The following CLCN7 variants were observed in gnomAD, a reference collection of about 807,000 sequenced individuals.
The protein encoded by CLCN7 is H(+)/Cl(-) exchange transporter 7.
Under a neutral mutation model 102.1 loss-of-function variants are expected in CLCN7, and 60 were observed. The ratio of observed to expected loss-of-function variants is 0.59; its 90% confidence interval spans 0.48 to 0.73. The LOEUF (loss-of-function observed/expected upper bound fraction) is 0.73. CLCN7 is among the 30% of genes least tolerant of loss of function. The pLI, the probability that CLCN7 is intolerant of heterozygous loss-of-function variation, is 0.00. For synonymous variants in CLCN7, 560 were observed against 490.5 expected (o/e 1.14, Z -1.87); for missense variants, 962 against 1,125.7 (o/e 0.85, Z 2.08).
At position 1,449,281 on chromosome 16, in the gene CLCN7, T is replaced by A; in HGVS notation, c.1664A>T (p.Gln555Leu). 1 of 1,586,054 alleles carries A rather than the reference T, an allele frequency of 6.3e-7. No individual in the cohort carries two copies. Among genetic ancestry groups the A allele is most frequent in the Admixed American group, 1.8e-5 (1 of 55,976 alleles). ...GGGCAAGAGCTGGGACATACCCAGCTGGGCAGCAGCTCCCATCAGGGCGTA... is the reference window on the plus strand; with the variant it reads ...GGGCAAGAGCTGGGACATACCCAGCAGGGCAGCAGCTCCCATCAGGGCGTA... ...GKYALMGAAAQLGGIVRMTLS... is the reference protein window; with the variant it reads ...GKYALMGAAALLGGIVRMTLS... The change falls in exon 18 of 25, where the codon CAG (glutamine) becomes CTG (leucine). Residue 555 changes from glutamine to leucine, a missense_variant. By Grantham distance (113) the Gln-to-Leu change is moderately radical. This residue lies in a region of CLCN7 where 799 missense variants were observed against 988.0 expected (regional missense o/e 0.81). Coordinates refer to ENST00000382745, the MANE Select transcript of CLCN7 (RefSeq NM_001287.6).
chr16:1,447,219 C>T, intron 23 of CLCN7, 133 bp from the exon 24 acceptor site: 1 of 1,144,616 alleles, frequency 8.7e-7, no homozygotes, highest in Admixed American at 2.0e-5. Flanking sequence ...GTCTGGCCAG[C>T]CCCCTCAGCC....
chr16:1,457,736 G>C lies in CLCN7; in HGVS notation c.696C>G (p.Ser232=), dbSNP rs117183989. Residue 232 remains serine (S), a synonymous_variant, in exon 8 of 25, where the codon TCC becomes TCG. Transcript: ENST00000382745. The surrounding 1 kb of genome is among the most constrained non-coding windows in gnomAD (Gnocchi z 5.4). ...CCCCGACCACGGACAGGATCACACC[G>C]GACACTTTGATCACCAACGTCTGAA... ...VRLKTLVIKV[S]GVILSVVGGL... is the part of the protein sequence containing the mutation. 3 of 1,613,816 alleles carry C rather than the reference G, an allele frequency of 1.9e-6. No homozygotes were observed.
At chr16:1,448,794 TGAG>T in intron 19 of CLCN7, 28 bp from the exon 20 acceptor site, 2 of 1,607,192 alleles carry the variant, frequency 1.2e-6, no homozygotes, top group Non-Finnish European at 8.5e-7. Flanking sequence ...ACACAGGGCT[TGAG>T]GAGTCCACAC....
At chr16:1,459,864 G>A (rs1014104657) in intron 6 of CLCN7, among the ~76,000 whole-genome samples, 3 of 125,720 alleles carry the variant, frequency 2.4e-5, no homozygotes, top group African/African-American at 9.4e-5. Flanking sequence ...GGGGCCCCAG[G>A]GAAGGGGAGC....
At chr16:1,458,988 G>T in intron 7 of CLCN7, 119 bp downstream of exon 7, 3 of 784,686 alleles carry the variant, frequency 3.8e-6, no homozygotes, top group Non-Finnish European at 6.2e-6. Context: ...TGCACACAGT[G>T]CCACCAGTAC....
At chr16:1,447,181 T>C (rs1464704394) in intron 23 of CLCN7, 95 bp from the exon 24 acceptor site, 5 of 1,264,954 alleles carry the variant, frequency 4.0e-6, no homozygotes, top group African/African-American at 3.0e-5. Flanking sequence ...CACCACGGCG[T>C]CCAGGCACGT....
chr16:1,462,090 A>G (rs1202049386), intron 2 of CLCN7, among the ~76,000 whole-genome samples: 768 of 31,858 alleles, frequency 0.024, 5 homozygotes, highest in Non-Finnish European at 0.037. Flanking sequence ...GTCTCAAAGA[A>G]AAAAAAAAAA....
intron 2 of CLCN7, among the ~76,000 whole-genome samples, chr16:1,462,026 A>G (rs971392419): frequency 2.6e-5 from 4 of 151,760 alleles, no homozygotes; most frequent in Admixed American, 6.6e-5. Flanking sequence ...CAGAGGTTGC[A>G]GTGAGCCGAG....
At chr16:1,446,893 C>T (rs1278907214) in intron 24 of CLCN7, 113 bp downstream of exon 24, 16 of 1,190,610 alleles carry the variant, frequency 1.3e-5, no homozygotes, top group Middle Eastern at 1.9e-4. Context: ...TGGGCCGACT[C>T]GGTGCTGGGT....
chr16:1,466,495 G>A (rs934723322), intron 1 of CLCN7: 2 of 152,424 alleles, frequency 1.3e-5, no homozygotes, highest in Admixed American at 6.5e-5. Context: ...CCTATCCACG[G>A]GGATCACGAT....
At chr16:1,451,576 C>T in intron 16 of CLCN7, 47 bp downstream of exon 16, 1 of 1,535,280 alleles carries the variant, frequency 6.5e-7, no homozygotes, top group South Asian at 1.1e-5. Context: ...AAGGCATCAC[C>T]CAGGCCCTGA....
chr16:1,456,003 A>C, intron 10 of CLCN7, 110 bp downstream of exon 10: 7 of 1,076,778 alleles, frequency 6.5e-6, no homozygotes, highest in Non-Finnish European at 9.5e-6. Context: ...CCCGGCCGTG[A>C]CTCCAAGCCT....
At chr16:1,452,704 C>G (rs757609109) in intron 15 of CLCN7, 51 bp downstream of exon 15, 2 of 1,548,060 alleles carry the variant, frequency 1.3e-6, no homozygotes, top group African/African-American at 2.7e-5. Context: ...TCCTGGAGGC[C>G]GCCCTGTGGC....
Position 1,448,673 on chromosome 16 carries a change from C to G in CLCN7, c.1883+8G>C. ...CCTCCCCACCCACAGGTGTCCTGGG[C>G]GCTGTACCTGGCAGTGAGTGAGTGT... On this transcript the variant is annotated splice_region_variant and intron_variant, in intron 20 of 24. Transcript: ENST00000382745. The G allele has an allele frequency of 6.2e-7, 1 of 1,612,486 alleles. No individual in the cohort carries two copies. Among genetic ancestry groups the G allele is most frequent in the South Asian group, 1.1e-5 (1 of 91,068 alleles).
chr16:1,454,870 C>T (rs1465889198), intron 12 of CLCN7, among the ~76,000 whole-genome samples: 1 of 152,210 alleles, frequency 6.6e-6, no homozygotes, highest in East Asian at 1.9e-4. Flanking sequence ...GCTGCACGTG[C>T]CCCCAGGCCG....
rs2038882719 is a variant in CLCN7 at position 1,458,971 on chromosome 16, G to A, written c.675+136C>T. The A allele has an allele frequency of 1.7e-5, 11 of 663,534 alleles. No individual in the cohort carries two copies. The East Asian group carries it at 3.0e-4, about 18-fold the overall frequency. The allele number at this position is 663,534 out of a possible 1,614,324, so 41.1% of individuals were successfully genotyped here. On this transcript the variant is annotated intron_variant, in intron 7 of 24. Coordinates refer to ENST00000382745, the MANE Select transcript of CLCN7 (RefSeq NM_001287.6). ...AAGGTGACCCCTTCACACCCAGCCAGCCCATCTGCACACAGTGCCACCAGT... is the reference window on the plus strand; with the variant it reads ...AAGGTGACCCCTTCACACCCAGCCAACCCATCTGCACACAGTGCCACCAGT...
At position 1,455,804 on chromosome 16, in the gene CLCN7, C is replaced by T; in HGVS notation, c.917-9G>A. 1.2e-6 allele frequency: 2 copies of T among 1,613,114 alleles called. No homozygotes were observed. The highest frequency in any genetic ancestry group is 1.7e-6 in the Non-Finnish European group (2 of 1,179,994). ...GCTGAACAGGACCCCACCTGGAAGG[C>T]AGGCGGCCGGCTCGGGTGCCAGCTG... is the stretch of plus-strand genomic sequence containing the variant. On this transcript the variant is annotated splice_polypyrimidine_tract_variant and intron_variant, in intron 10 of 24. Coordinates refer to ENST00000382745, the MANE Select transcript of CLCN7 (RefSeq NM_001287.6).
Position 1,445,299 on chromosome 16 carries a change from G to A in CLCN7, c.*1332C>T, listed in dbSNP as rs941439. The A allele has an allele frequency of 0.38, 58,130 of 151,816 alleles. 12,004 individuals carry two copies. Among genetic ancestry groups the A allele is most frequent in the East Asian group, 0.81 (4,153 of 5,114 alleles). The allele number at this position is 151,816 out of a possible 1,614,324, so 9.4% of individuals were successfully genotyped here. A position where few individuals can be genotyped will look rare whatever the true frequency, so the allele number is the denominator to read the frequency against. On this transcript the variant is annotated 3_prime_UTR_variant, in exon 25 of 25. Coordinates refer to ENST00000382745, the MANE Select transcript of CLCN7 (RefSeq NM_001287.6). ...TCCCGAAAGTCCCAGGCTGTTGGAC[G>A]TGGTCTGGGTGGGGTGGGAGGGACG...
chr16:1,453,916 G>A, intron 13 of CLCN7, 22 bp from the exon 14 acceptor site: 1 of 1,612,630 alleles, frequency 6.2e-7, no homozygotes, highest in Non-Finnish European at 8.5e-7. Flanking sequence ...GGAAAGGCCA[G>A]TCAGCGACAC....
Sources: gnomAD v4.1 joint callset for allele counts (sites outside exome capture counted in the v4.1 genomes callset) on GRCh38, gnomAD v4.1.1 for gene constraint, gnomAD v4.1.1 regional missense constraint, Gnocchi (gnomAD v3.1) non-coding constraint, MANE v1.5 for transcripts, NCBI Gene and HGNC (gene_info 2026-07-23, HGNC 2026-07-21) for gene names.